The following CPNE8 variants were observed in gnomAD, a reference collection of about 807,000 sequenced individuals.
CPNE8 encodes copine 8.
CPNE8 carries 45 observed loss-of-function variants against 81.5 expected under a neutral mutation model. The observed-to-expected ratio is 0.55, with a 90% CI of 0.44 to 0.71. The LOEUF (loss-of-function observed/expected upper bound fraction) is 0.71, where lower values mean the gene tolerates loss of function less well. Among genes scored for constraint, CPNE8 ranks in the 30% least tolerant of loss-of-function variants. The probability of loss-of-function intolerance (pLI) is 0.00; values close to 1 mark genes in which losing one functional copy is unlikely to be tolerated. For missense variants in CPNE8, 594 were observed against 672.1 expected, an observed-to-expected ratio of 0.88 and a Z score of 1.28; for synonymous variants, 252 against 226.3, an observed-to-expected ratio of 1.11 and a Z score of -1.02.
At chr12:38,709,705 G>A (rs1940202042) in intron 13 of CPNE8, among the ~76,000 whole-genome samples, 1 of 152,068 alleles carries the variant, frequency 6.6e-6, no homozygotes, top group Non-Finnish European at 1.5e-5. Flanking sequence ...AAATTTCTGG[G>A]TCTACCAGAG....
chr12:38,658,590 A>G (rs984108549), intron 19 of CPNE8, among the ~76,000 whole-genome samples: 1 of 152,206 alleles, frequency 6.6e-6, no homozygotes, highest in South Asian at 2.1e-4. Context: ...CCCAAGACAT[A>G]TAATTGTCAG....
chr12:38,799,490 T>G (rs1208881315), intron 6 of CPNE8, among the ~76,000 whole-genome samples: 2 of 152,108 alleles, frequency 1.3e-5, no homozygotes, highest in Non-Finnish European at 2.9e-5. Context: ...GATATTCTTT[T>G]AAACCAACGA....
intron 6 of CPNE8, among the ~76,000 whole-genome samples, chr12:38,808,726 A>T (rs945759307): frequency 6.6e-6 from 1 of 151,918 alleles, no homozygotes; most frequent in Non-Finnish European, 1.5e-5. Context: ...CACATTGTGC[A>T]CATGTACCCT....
chr12:38,840,154 T>C (rs1943445139), intron 4 of CPNE8, among the ~76,000 whole-genome samples, 199 bp from the exon 5 acceptor site: 1 of 152,192 alleles, frequency 6.6e-6, no homozygotes, highest in Admixed American at 6.5e-5. Flanking sequence ...CTTGGGTTCT[T>C]TCATTTCTAA....
intron 3 of CPNE8, among the ~76,000 whole-genome samples, chr12:38,860,162 A>C (rs1180621687): frequency 6.6e-6 from 1 of 152,076 alleles, no homozygotes; most frequent in Non-Finnish European, 1.5e-5. Flanking sequence ...TGAGGGATTA[A>C]CAACCAATAT....
intron 5 of CPNE8, among the ~76,000 whole-genome samples, chr12:38,833,368 AAAAAG>A (rs1565640479): frequency 6.6e-6 from 1 of 151,206 alleles, no homozygotes; most frequent in Non-Finnish European, 1.5e-5. Flanking sequence ...AAAAAAAAAA[AAAAAG>A]AAAAGAAAAG....
At chr12:38,856,953 G>A (rs958325343) in intron 3 of CPNE8, among the ~76,000 whole-genome samples, 3 of 151,404 alleles carry the variant, frequency 2.0e-5, no homozygotes, top group African/African-American at 2.4e-5. Context: ...ACTATACTAT[G>A]AGTATCAGGG....
chr12:38,687,371 TTTC>T (rs199554675), intron 15 of CPNE8, among the ~76,000 whole-genome samples: 926 of 91,432 alleles, frequency 0.01, 42 homozygotes, highest in Non-Finnish European at 0.013. Flanking sequence ...ATGCCAAGAC[TTTC>T]TTTTTTTTTT....
intron 3 of CPNE8, among the ~76,000 whole-genome samples, chr12:38,861,231 G>A (rs142224784): frequency 6.6e-6 from 1 of 152,182 alleles, no homozygotes; most frequent in Non-Finnish European, 1.5e-5. Flanking sequence ...CTGGCTGGGC[G>A]GGGGAGAGAA....
chr12:38,846,209 G>T (rs902132827), intron 4 of CPNE8, among the ~76,000 whole-genome samples: 5 of 152,096 alleles, frequency 3.3e-5, no homozygotes, highest in Admixed American at 3.3e-4. Flanking sequence ...GTTCAGGGAA[G>T]TAACAAAGCT....
intron 10 of CPNE8, among the ~76,000 whole-genome samples, chr12:38,738,279 T>C (rs1195575023): frequency 1.3e-5 from 2 of 152,200 alleles, no homozygotes; most frequent in African/African-American, 4.8e-5. Flanking sequence ...CCTTTGATCA[T>C]GTCAGGATTT....
At chr12:38,861,778 G>A (rs1392893458) in intron 3 of CPNE8, among the ~76,000 whole-genome samples, 1 of 152,062 alleles carries the variant, frequency 6.6e-6, no homozygotes, top group Non-Finnish European at 1.5e-5. Context: ...GGGAAATACT[G>A]TTCCTATGAA....
At position 38,767,657 on chromosome 12, in the gene CPNE8, A is replaced by G. The variant is rs760680935; in HGVS notation, c.553T>C (p.Tyr185His). 6.4e-7 allele frequency: 1 copy of G among 1,564,836 alleles called. No homozygotes were observed. Among genetic ancestry groups the G allele is most frequent in the Non-Finnish European group, 8.6e-7 (1 of 1,161,940 alleles). Reference protein sequence around the residue: ...FGKSDPFLVFYRSNEDGSFTI... With the variant: ...FGKSDPFLVFHRSNEDGSFTI... ...TACCTGCCATCTTCATTACTTCGAT[A>G]AAATACAAGGAAAGGATCTGATTTT... Residue 185 changes from tyrosine (Y) to histidine (H), a missense_variant, in exon 8 of 20, where the codon TAT becomes CAT. Tyr to His is a moderately conservative substitution (Grantham distance 83). Transcript: ENST00000331366.
At chr12:38,798,647 G>C (rs930796002) in intron 6 of CPNE8, among the ~76,000 whole-genome samples, 1 of 151,168 alleles carries the variant, frequency 6.6e-6, no homozygotes, top group African/African-American at 2.4e-5. Flanking sequence ...CAACTAACGA[G>C]CAAAATAACG....
At chr12:38,666,781 A>C (rs914640700) in intron 19 of CPNE8, among the ~76,000 whole-genome samples, 2 of 152,176 alleles carry the variant, frequency 1.3e-5, no homozygotes, top group Non-Finnish European at 2.9e-5. Flanking sequence ...TACAGAATAC[A>C]TGTTAAGAAT....
intron 6 of CPNE8, among the ~76,000 whole-genome samples, chr12:38,790,191 G>A (rs1297827048): frequency 6.6e-6 from 1 of 151,650 alleles, no homozygotes; most frequent in Non-Finnish European, 1.5e-5. Flanking sequence ...CAACAGTCAA[G>A]ATTGGAAAAC....
At chr12:38,849,621 T>C (rs773472554) in intron 3 of CPNE8, among the ~76,000 whole-genome samples, 2 of 152,212 alleles carry the variant, frequency 1.3e-5, no homozygotes, top group Non-Finnish European at 2.9e-5. Context: ...TAGTACAAAA[T>C]ATTGATGACA....
At chr12:38,789,122 A>C (rs1253756511) in intron 6 of CPNE8, among the ~76,000 whole-genome samples, 2 of 152,106 alleles carry the variant, frequency 1.3e-5, no homozygotes, top group Non-Finnish European at 2.9e-5. Flanking sequence ...ATATGGAACC[A>C]CAAAAGACCC....
At chr12:38,759,075 A>T (rs890290687) in intron 10 of CPNE8, among the ~76,000 whole-genome samples, 2 of 152,216 alleles carry the variant, frequency 1.3e-5, no homozygotes, top group Non-Finnish European at 2.9e-5. Flanking sequence ...AATATCACAT[A>T]CATTTCTGTT....
Sources: gnomAD v4.1 joint callset for allele counts (sites outside exome capture counted in the v4.1 genomes callset) on GRCh38, gnomAD v4.1.1 for gene constraint, MANE v1.5 for transcripts, NCBI Gene and HGNC (gene_info 2026-07-23, HGNC 2026-07-21) for gene names.